The following ARFIP1 variants were observed in gnomAD, a reference collection of about 807,000 sequenced individuals.
ARFIP1 encodes the protein ARF interacting protein 1, also known as arfaptin-1.
Under a neutral mutation model 42.5 loss-of-function variants are expected in ARFIP1, and 24 were observed. The observed-to-expected ratio is 0.57, with a 90% CI of 0.41 to 0.80. The LOEUF (loss-of-function observed/expected upper bound fraction) is 0.80, where lower values mean the gene tolerates loss of function less well. Among genes scored for constraint, ARFIP1 ranks in the 30% least tolerant of loss-of-function variants. ARFIP1 has a pLI of 0.00. For missense variants in ARFIP1, 354 were observed against 434.0 expected, an observed-to-expected ratio of 0.82 and a Z score of 1.64; for synonymous variants, 141 against 153.7, an observed-to-expected ratio of 0.92 and a Z score of 0.61.
At chr4:152,891,967 C>T (rs1347529236) in intron 8 of ARFIP1, among the ~76,000 whole-genome samples, 1 of 152,120 alleles carries the variant, frequency 6.6e-6, no homozygotes, top group Non-Finnish European at 1.5e-5. Flanking sequence ...CTTGGCCTCC[C>T]AAAGTGCTGG....
chr4:152,810,546 CG>C (rs1729361999), intron 1 of ARFIP1, among the ~76,000 whole-genome samples: 1 of 151,620 alleles, frequency 6.6e-6, no homozygotes, highest in African/African-American at 2.4e-5. Context: ...TGGTGGCTCA[CG>C]CCTGTAATGG....
chr4:152,905,484 T>C (rs1163914197), intron 8 of ARFIP1, among the ~76,000 whole-genome samples: 2 of 151,506 alleles, frequency 1.3e-5, no homozygotes, highest in Non-Finnish European at 2.9e-5. Flanking sequence ...CTTGATGAAA[T>C]GTCTGTTCAA....
chr4:152,898,659 G>T (rs887084245), intron 8 of ARFIP1, among the ~76,000 whole-genome samples: 3 of 152,142 alleles, frequency 2.0e-5, no homozygotes, highest in Admixed American at 1.3e-4. Flanking sequence ...ACATGAGAAA[G>T]AAATACAGAA....
At chr4:152,889,403 G>A (rs752136944) in intron 8 of ARFIP1, among the ~76,000 whole-genome samples, 51 of 148,746 alleles carry the variant, frequency 3.4e-4, no homozygotes, top group Non-Finnish European at 6.7e-4. Context: ...CCTCAGCAGA[G>A]TTGTTAGAAA....
At chr4:152,838,836 G>A (rs1731853878) in intron 2 of ARFIP1, among the ~76,000 whole-genome samples, 1 of 152,128 alleles carries the variant, frequency 6.6e-6, no homozygotes, top group African/African-American at 2.4e-5. Context: ...AGTGGTGAGA[G>A]TGGGCATCCT....
intron 8 of ARFIP1, among the ~76,000 whole-genome samples, chr4:152,908,676 A>G (rs1738574642): frequency 6.6e-6 from 1 of 152,134 alleles, no homozygotes; most frequent in African/African-American, 2.4e-5. Flanking sequence ...TTTATAATTT[A>G]TGGGTTTTAT....
At chr4:152,811,020 G>A (rs1729410149) in intron 1 of ARFIP1, among the ~76,000 whole-genome samples, 1 of 150,562 alleles carries the variant, frequency 6.6e-6, no homozygotes. Context: ...CACGTTCGAA[G>A]CTTGAAATTG....
intron 2 of ARFIP1, among the ~76,000 whole-genome samples, chr4:152,848,095 C>T (rs1335974184): frequency 6.6e-6 from 1 of 151,996 alleles, no homozygotes; most frequent in Non-Finnish European, 1.5e-5. Context: ...AGTAGAACTA[C>T]CTTAGAGATC....
chr4:152,867,173 G>A (rs907135322), intron 3 of ARFIP1, among the ~76,000 whole-genome samples: 13 of 152,158 alleles, frequency 8.5e-5, no homozygotes, highest in African/African-American at 3.1e-4. Flanking sequence ...GTAGCGAGCC[G>A]AGATCACGCC....
intron 7 of ARFIP1, among the ~76,000 whole-genome samples, chr4:152,883,667 G>A (rs1736031440): frequency 6.6e-6 from 1 of 150,636 alleles, no homozygotes; most frequent in Admixed American, 6.6e-5. Flanking sequence ...TAACTATCCT[G>A]TTAAATGGTG....
intron 8 of ARFIP1, among the ~76,000 whole-genome samples, chr4:152,898,928 A>G (rs1737585716): frequency 1.3e-5 from 2 of 152,186 alleles, no homozygotes; most frequent in Admixed American, 1.3e-4. Context: ...TGTCCTAACA[A>G]ATTTTGATAA....
intron 2 of ARFIP1, among the ~76,000 whole-genome samples, chr4:152,854,722 T>A (rs1351319065): frequency 2.6e-5 from 4 of 152,254 alleles, no homozygotes; most frequent in African/African-American, 9.6e-5. Flanking sequence ...TTTGGCTGTA[T>A]ACAGCATTAG....
intron 2 of ARFIP1, among the ~76,000 whole-genome samples, chr4:152,859,700 A>G (rs2149873728): frequency 6.6e-6 from 1 of 152,076 alleles, no homozygotes; most frequent in South Asian, 2.1e-4. Context: ...TACTTTTTGT[A>G]TCAAACTCAT....
intron 1 of ARFIP1, chr4:152,807,369 A>G (rs754998697): frequency 6.6e-6 from 1 of 152,180 alleles, no homozygotes; most frequent in South Asian, 2.1e-4. Flanking sequence ...AAAGTGAAGT[A>G]CTTTTTGCAT....
chr4:152,844,300 C>T (rs1377536559), intron 2 of ARFIP1, among the ~76,000 whole-genome samples: 1 of 152,198 alleles, frequency 6.6e-6, no homozygotes, highest in Non-Finnish European at 1.5e-5. Flanking sequence ...CAGTCCGCTT[C>T]CTTCAGAGGG....
chr4:152,815,738 C>CTTT (rs1218298842), intron 1 of ARFIP1, among the ~76,000 whole-genome samples: 2,646 of 85,482 alleles, frequency 0.031, no homozygotes, highest in African/African-American at 0.033. Flanking sequence ...CTGACCACTT[C>CTTT]TTTTTTTTTT....
chr4:152,843,433 T>G (rs897523830), intron 2 of ARFIP1, among the ~76,000 whole-genome samples: 3 of 152,114 alleles, frequency 2.0e-5, no homozygotes, highest in African/African-American at 4.8e-5. Context: ...AAGCATCAGC[T>G]GTAGTAATGT....
intron 2 of ARFIP1, among the ~76,000 whole-genome samples, chr4:152,830,369 GATATTA>G (rs1731168050): frequency 6.6e-6 from 1 of 152,010 alleles, no homozygotes; most frequent in African/African-American, 2.4e-5. Context: ...CTTTCATGAA[GATATTA>G]ATATTAAATG....
At chr4:152,880,529 T>TAC (rs574002204) in intron 5 of ARFIP1, among the ~76,000 whole-genome samples, 1 of 152,124 alleles carries the variant, frequency 6.6e-6, no homozygotes, top group Non-Finnish European at 1.5e-5. Flanking sequence ...TCCTCATTCA[T>TAC]ACACACATAT....
Sources: allele counts gnomAD v4.1 joint callset (sites outside exome capture counted in the v4.1 genomes callset), GRCh38; gene constraint gnomAD v4.1.1; transcripts MANE v1.5; gene names NCBI Gene and HGNC (gene_info 2026-07-23, HGNC 2026-07-21).